NRXN3: variants seen among roughly 807,000 people sequenced by gnomAD.
The protein encoded by NRXN3 is neurexin III.
A neutral mutation model predicts 137.6 loss-of-function variants in NRXN3; 32 were observed. The ratio of observed to expected loss-of-function variants is 0.23; its 90% CI spans 0.18 to 0.31. NRXN3 has a LOEUF of 0.31. Ranked by LOEUF, NRXN3 falls within the 10% of genes least tolerant of loss-of-function variation. NRXN3 has a pLI of 1.00. For synonymous variants in NRXN3, 798 were observed against 784.5 expected, an observed-to-expected ratio of 1.02 and a Z score of -0.29; for missense variants, 1,574 against 2,062.5, an observed-to-expected ratio of 0.76 and a Z score of 4.59.
intron 15 of NRXN3, among the ~76,000 whole-genome samples, chr14:79,197,072 C>T (rs1296953627): frequency 6.6e-6 from 1 of 152,162 alleles, no homozygotes; most frequent in African/African-American, 2.4e-5. Flanking sequence ...CTGGGTCCAG[C>T]CTGCTAGCTT....
chr14:79,057,908 A>G (rs1436990886), intron 15 of NRXN3, among the ~76,000 whole-genome samples: 1 of 152,206 alleles, frequency 6.6e-6, no homozygotes, highest in Non-Finnish European at 1.5e-5. Flanking sequence ...CTAGTGGAGT[A>G]GAATTTATAA....
intron 15 of NRXN3, among the ~76,000 whole-genome samples, chr14:79,331,015 T>C (rs2153320750): frequency 6.6e-6 from 1 of 152,288 alleles, no homozygotes; most frequent in African/African-American, 2.4e-5. Flanking sequence ...CCTGGTCCTT[T>C]CCCAAAAACA....
intron 15 of NRXN3, among the ~76,000 whole-genome samples, chr14:79,325,027 G>A (rs1286355231): frequency 6.6e-6 from 1 of 152,062 alleles, no homozygotes; most frequent in Non-Finnish European, 1.5e-5. Context: ...GAACACATAA[G>A]GTCTGTATTT....
intron 16 of NRXN3, among the ~76,000 whole-genome samples, chr14:79,609,560 G>C (rs1431557616): frequency 6.6e-6 from 1 of 152,130 alleles, no homozygotes; most frequent in East Asian, 1.9e-4. Context: ...ACTCATTAGG[G>C]ATTATCATTA....
chr14:79,400,054 G>A (rs1211284552), intron 15 of NRXN3, among the ~76,000 whole-genome samples: 3 of 152,132 alleles, frequency 2.0e-5, no homozygotes, highest in African/African-American at 4.8e-5. Context: ...GACCTGATAC[G>A]AACACTAGTC....
At chr14:78,477,834 A>C (rs979850321) in intron 4 of NRXN3, among the ~76,000 whole-genome samples, 7 of 152,176 alleles carry the variant, frequency 4.6e-5, no homozygotes, top group Admixed American at 2.6e-4. Flanking sequence ...TTTTCATAGA[A>C]GTTCTAAGGC....
chr14:79,186,529 G>T (rs2063565185), intron 15 of NRXN3, among the ~76,000 whole-genome samples: 1 of 152,152 alleles, frequency 6.6e-6, no homozygotes, highest in Non-Finnish European at 1.5e-5. Context: ...TTACATTGAA[G>T]TTGTCCCAAA....
chr14:78,258,140 G>C (rs1274578945), intron 2 of NRXN3, among the ~76,000 whole-genome samples: 1 of 152,176 alleles, frequency 6.6e-6, no homozygotes, highest in Non-Finnish European at 1.5e-5. Flanking sequence ...CTATTATGAG[G>C]TTTAAATGAG....
intron 16 of NRXN3, among the ~76,000 whole-genome samples, chr14:79,601,827 C>A (rs2097925359): frequency 6.6e-6 from 1 of 152,180 alleles, no homozygotes; most frequent in Admixed American, 6.5e-5. Flanking sequence ...GCAAGACTGA[C>A]ACTAATTCTT....
chr14:79,292,649 C>T (rs145628168), intron 15 of NRXN3, among the ~76,000 whole-genome samples: 1 of 152,362 alleles, frequency 6.6e-6, no homozygotes, highest in East Asian at 1.9e-4. Context: ...CTTGGCCCTT[C>T]ATACATATGG....
intron 4 of NRXN3, among the ~76,000 whole-genome samples, chr14:78,571,887 G>A (rs934654187): frequency 6.6e-6 from 1 of 152,024 alleles, no homozygotes; most frequent in African/African-American, 2.4e-5. Context: ...TTTACCTCCT[G>A]AACCCTGTGA....
chr14:79,663,735 C>G (rs780253439), intron 16 of NRXN3, 43 bp from the exon 17 acceptor site: 1 of 1,573,676 alleles, frequency 6.4e-7, no homozygotes. Context: ...GAGAGAACTT[C>G]GTGGTTGGTG....
At chr14:78,832,988 C>T (rs970328997) in intron 10 of NRXN3, among the ~76,000 whole-genome samples, 30 of 152,260 alleles carry the variant, frequency 2.0e-4, no homozygotes, top group South Asian at 4.1e-4. Flanking sequence ...AACATCTTTC[C>T]GGGGAAGACA....
intron 10 of NRXN3, among the ~76,000 whole-genome samples, chr14:78,846,367 C>T (rs1466290483): frequency 1.3e-5 from 2 of 152,018 alleles, no homozygotes; most frequent in Non-Finnish European, 2.9e-5. Context: ...ATCAGGTCTG[C>T]CAGTTGCAAA....
At chr14:79,223,351 A>G (rs1460531693) in intron 15 of NRXN3, among the ~76,000 whole-genome samples, 3 of 152,248 alleles carry the variant, frequency 2.0e-5, no homozygotes, top group Admixed American at 6.5e-5. Context: ...TAATGTTTCA[A>G]TGATCTTGGT....
At chr14:79,481,870 C>T (rs1439175991) in intron 16 of NRXN3, among the ~76,000 whole-genome samples, 6 of 151,904 alleles carry the variant, frequency 3.9e-5, no homozygotes, top group African/African-American at 1.5e-4. Context: ...GGAAAATGGT[C>T]CTTATGCACT....
chr14:78,410,101 G>T (rs540805877), intron 4 of NRXN3, among the ~76,000 whole-genome samples: 6 of 152,262 alleles, frequency 3.9e-5, no homozygotes, highest in African/African-American at 1.4e-4. Context: ...AAAGAGTCCT[G>T]GGCTTTTCTA....
rs542594255 is a variant in NRXN3 at position 79,126,264 on chromosome 14, C to T, written c.3262+138123C>T. 1.1e-3 allele frequency among the ~76,000 whole-genome samples: 160 copies of T among 151,910 alleles called. 1 individual carries two copies. The highest frequency in any genetic ancestry group is 7.3e-3 in the South Asian group (35 of 4,816). ...TATGTATACATGTGCCGTGCTGGTGCGCTGCACCCACTAACTCGTCATCTA... is the reference window on the plus strand; with the variant it reads ...TATGTATACATGTGCCGTGCTGGTGTGCTGCACCCACTAACTCGTCATCTA... On this transcript the variant is annotated intron_variant, in intron 15 of 20. Coordinates refer to ENST00000335750, the MANE Select transcript of NRXN3 (RefSeq NM_001330195.2).
intron 15 of NRXN3, among the ~76,000 whole-genome samples, chr14:79,163,251 A>C (rs561361147): frequency 6.6e-6 from 1 of 151,720 alleles, no homozygotes; most frequent in Non-Finnish European, 1.5e-5. Flanking sequence ...ATCCAACCTC[A>C]CTCTCCCATC....
Sources: gnomAD v4.1 joint callset for allele counts (sites outside exome capture counted in the v4.1 genomes callset) on GRCh38, gnomAD v4.1.1 for gene constraint, MANE v1.5 for transcripts, NCBI Gene and HGNC (gene_info 2026-07-23, HGNC 2026-07-21) for gene names.